The following PARP9 variants were observed in gnomAD, a reference collection of about 807,000 sequenced individuals.
PARP9 encodes the protein protein mono-ADP-ribosyltransferase PARP9.
PARP9 carries 48 observed loss-of-function variants against 68.8 expected under a neutral mutation model. The ratio of observed to expected loss-of-function variants is 0.70; its 90% CI spans 0.55 to 0.89. PARP9 has a LOEUF of 0.89. Ranked by LOEUF, PARP9 falls within the 40% of genes least tolerant of loss-of-function variation. PARP9 has a pLI of 0.00. For synonymous variants in PARP9, 309 were observed against 333.8 expected (o/e 0.93, Z 0.81); for missense variants, 806 against 969.3 (o/e 0.83, Z 2.24).
At chr3:122,563,719 C>T (rs1222670927) in intron 1 of PARP9, among the ~76,000 whole-genome samples, 3 of 152,000 alleles carry the variant, frequency 2.0e-5, no homozygotes, top group African/African-American at 7.2e-5. Context: ...CCTGTCCTCC[C>T]CATCTCGCCG....
upstream of PARP9, chr3:122,564,725 C>T: frequency 2.3e-6 from 3 of 1,332,320 alleles, no homozygotes; most frequent in Non-Finnish European, 3.0e-6. Context: ...AAGTATGTCA[C>T]TGTGCGGTGG....
chr3:122,553,594 T>C (rs2079392231), intron 4 of PARP9, among the ~76,000 whole-genome samples: 2 of 152,196 alleles, frequency 1.3e-5, no homozygotes, highest in African/African-American at 2.4e-5. Flanking sequence ...TTTAAATTTG[T>C]GTGTTAATGA....
At chr3:122,540,953 C>G in intron 7 of PARP9, 101 bp from the exon 8 acceptor site, 4 of 1,293,622 alleles carry the variant, frequency 3.1e-6, no homozygotes, top group South Asian at 1.5e-5. Flanking sequence ...TGCAGTGCTG[C>G]GATCTCAGCT....
At chr3:122,541,643 G>A (rs1354427687) in intron 7 of PARP9, among the ~76,000 whole-genome samples, 5 of 152,044 alleles carry the variant, frequency 3.3e-5, no homozygotes, top group Non-Finnish European at 5.9e-5. Flanking sequence ...GGAAATTATC[G>A]ACATATAATG....
chr3:122,528,439 A>T lies in PARP9; in HGVS notation c.2385T>A (p.Asp795Glu), dbSNP rs139596846. The change falls in exon 11 of 11, where the codon GAT becomes GAA. Residue 795 changes from aspartate (D) to glutamate (E), a missense_variant. Coordinates refer to ENST00000682323, the MANE Select transcript of PARP9 (RefSeq NM_001146105.2). ...AGGGTCTCATTGGTCCTGATGAGTA[A>T]TCTTGTGACTGTACATATTCCTGGG... is the stretch of plus-strand genomic sequence containing the variant. ...TCTQEYVQSQDYSSGPMRPFA... is the reference protein window; with the variant it reads ...TCTQEYVQSQEYSSGPMRPFA... The T allele has an allele frequency of 7.0e-5, 113 of 1,614,164 alleles. No individual in the cohort carries two copies. In the African/African-American group the frequency reaches 1.4e-3, roughly 19 times the overall value.
chr3:122,539,507 A>ATTTC (rs144389968), intron 8 of PARP9, among the ~76,000 whole-genome samples: 8,092 of 132,730 alleles, frequency 0.061, 318 homozygotes, highest in Admixed American at 0.071. Flanking sequence ...CCAAGATGGC[A>ATTTC]TTTCTTTCTT....
chr3:122,564,560 C>T (rs372085011), upstream of PARP9: 32 of 1,608,636 alleles, frequency 2.0e-5, no homozygotes, highest in Non-Finnish European at 2.6e-5. Context: ...ACGGTCAGCA[C>T]CCAGGAACAC....
At position 122,550,805 on chromosome 3, in the gene PARP9, G is replaced by C. The variant is rs1451821803; in HGVS notation, c.1108-3C>G. 1 of 1,609,452 alleles carries C rather than the reference G, an allele frequency of 6.2e-7. No individual in the cohort carries two copies. Among genetic ancestry groups the C allele is most frequent in the Admixed American group, 1.7e-5 (1 of 59,920 alleles). On this transcript the variant is annotated splice_polypyrimidine_tract_variant and splice_region_variant and intron_variant, in intron 5 of 10. Transcript: ENST00000682323. Reference sequence around the variant, plus strand: ...TCCTTCATTGCATGTTTTAATATCTGCAGGAAAACACAAATTTAAGATCAG... The same window carrying C: ...TCCTTCATTGCATGTTTTAATATCTCCAGGAAAACACAAATTTAAGATCAG...
chr3:122,538,157 A>G (rs570302726), intron 8 of PARP9, among the ~76,000 whole-genome samples: 1 of 152,318 alleles, frequency 6.6e-6, no homozygotes, highest in African/African-American at 2.4e-5. Context: ...AAGCCCAGAA[A>G]CTACAACAGA....
chr3:122,534,313 C>T (rs2077492164), intron 10 of PARP9: 2 of 983,880 alleles, frequency 2.0e-6, no homozygotes, highest in South Asian at 9.4e-5. Context: ...AAATCCATGG[C>T]TCCCTGATAG....
chr3:122,545,686 C>A, intron 6 of PARP9, 197 bp from the exon 7 acceptor site: 2 of 555,922 alleles, frequency 3.6e-6, no homozygotes, highest in Non-Finnish European at 6.4e-6. Flanking sequence ...AAAGAATAAG[C>A]ATAGGAAAAA....
chr3:122,533,180 T>C (rs563438382), intron 10 of PARP9: 1 of 152,268 alleles, frequency 6.6e-6, no homozygotes, highest in South Asian at 2.1e-4. Flanking sequence ...TCACTAGGAC[T>C]GGGTGAATGC....
chr3:122,535,558 A>C, intron 10 of PARP9: 1 of 985,348 alleles, frequency 1.0e-6, no homozygotes, highest in Non-Finnish European at 1.2e-6. Context: ...TTCATTAGTG[A>C]CTGAGGAGTA....
chr3:122,558,135 C>T (rs1576440619), intron 3 of PARP9, among the ~76,000 whole-genome samples: 1 of 152,204 alleles, frequency 6.6e-6, no homozygotes, highest in Non-Finnish European at 1.5e-5. Flanking sequence ...TTGTATAGTA[C>T]TCGTTGAGCA....
intron 4 of PARP9, among the ~76,000 whole-genome samples, chr3:122,553,042 T>G (rs949357144): frequency 6.6e-6 from 1 of 152,178 alleles, no homozygotes. Context: ...TGTCTCGTTT[T>G]AAATAGGAAA....
At chr3:122,559,774 A>ATACTGT (rs1234868952) in intron 1 of PARP9, 65 bp from the exon 2 acceptor site, 1 of 608,546 alleles carries the variant, frequency 1.6e-6, no homozygotes, top group African/African-American at 1.9e-5. Context: ...CGGTAAGAAT[A>ATACTGT]TACTGTAGGA....
At chr3:122,557,662 T>TA (rs2079818192) in intron 3 of PARP9, among the ~76,000 whole-genome samples, 1 of 152,198 alleles carries the variant, frequency 6.6e-6, no homozygotes, top group South Asian at 2.1e-4. Context: ...GTCGGGTTTT[T>TA]ATTACAGTCT....
rs1279496359 is a variant in PARP9 at position 122,552,781 on chromosome 3, G to C, written c.886-142C>G. On this transcript the variant is annotated intron_variant, in intron 4 of 10. Transcript: ENST00000682323. ...TAAAAAATTTCATTAATAATGAATA[G>C]AAACTCGTATTTCCAAAGAGTGATT... The C allele has an allele frequency of 2.1e-5, 13 of 621,064 alleles. No individual in the cohort carries two copies. The South Asian group carries it at 2.5e-4, about 12-fold the overall frequency. 38.5% of individuals were successfully genotyped at this position (621,064 alleles called of 1,614,324 possible). A position where few individuals can be genotyped will look rare whatever the true frequency, so the allele number is the denominator to read the frequency against.
At chr3:122,544,917 C>T (rs1464374875) in intron 7 of PARP9, among the ~76,000 whole-genome samples, 3 of 152,118 alleles carry the variant, frequency 2.0e-5, no homozygotes, top group Admixed American at 6.5e-5. Flanking sequence ...ACCCAGAGTC[C>T]CTGAATCAGC....
Sources: allele counts gnomAD v4.1 joint callset (sites outside exome capture counted in the v4.1 genomes callset), GRCh38; gene constraint gnomAD v4.1.1; transcripts MANE v1.5; gene names NCBI Gene and HGNC (gene_info 2026-07-23, HGNC 2026-07-21).